ZNF503: variants seen among roughly 807,000 people sequenced by gnomAD.
ZNF503 encodes the protein zinc finger protein 503.
A neutral mutation model predicts 34.4 loss-of-function variants in ZNF503; 15 were observed. That is an observed-to-expected ratio of 0.44 (90% CI 0.29 to 0.67). The LOEUF (loss-of-function observed/expected upper bound fraction) is 0.67. ZNF503 is among the 30% of genes least tolerant of loss of function. The pLI, the probability that ZNF503 is intolerant of heterozygous loss-of-function variation, is 0.13. For missense variants in ZNF503, 1,007 were observed against 926.8 expected (o/e 1.09, Z -1.12); for synonymous variants, 580 against 456.8 (o/e 1.27, Z -3.44).
the ZNF503 span, among the ~76,000 whole-genome samples, chr10:75,354,908 C>G: frequency 6.6e-6 from 1 of 152,268 alleles, no homozygotes; most frequent in Admixed American, 6.5e-5. Context: ...TGCAGGGGCA[C>G]GATCTCGGCT....
chr10:75,288,686 G>A, the ZNF503 span: 2 of 152,602 alleles, frequency 1.3e-5, no homozygotes, highest in South Asian at 2.1e-4. Context: ...TCAGGGTAAG[G>A]GGGTGACTCA....
chr10:75,318,805 C>G, the ZNF503 span, among the ~76,000 whole-genome samples: 1 of 151,538 alleles, frequency 6.6e-6, no homozygotes, highest in Non-Finnish European at 1.5e-5. Flanking sequence ...AGAAATAACA[C>G]AGTAAGCAAA....
the ZNF503 span, among the ~76,000 whole-genome samples, chr10:75,379,007 G>A: frequency 5.9e-5 from 9 of 151,904 alleles, no homozygotes; most frequent in East Asian, 1.2e-3. Flanking sequence ...CCCCAGTCCC[G>A]ATCTTAATTA....
At chr10:75,293,473 C>T in the ZNF503 span, among the ~76,000 whole-genome samples, 1 of 152,174 alleles carries the variant, frequency 6.6e-6, no homozygotes, top group Non-Finnish European at 1.5e-5. Flanking sequence ...CACACCTGAG[C>T]TGGCCCTGCT....
chr10:75,369,534 T>C, the ZNF503 span, among the ~76,000 whole-genome samples: 2 of 152,246 alleles, frequency 1.3e-5, no homozygotes, highest in African/African-American at 4.8e-5. Flanking sequence ...ACCATGATTG[T>C]AAGTTTCTTG....
the ZNF503 span, among the ~76,000 whole-genome samples, chr10:75,370,714 G>C: frequency 1.4e-5 from 2 of 138,422 alleles, no homozygotes; most frequent in Non-Finnish European, 3.0e-5. Flanking sequence ...GGGAGGCAGA[G>C]GTTGCAGTGA....
In ZNF503 at chr10:75,398,577, G is replaced by A. The variant is rs1421169164; in HGVS notation, c.*172C>T. 1.0e-5 allele frequency: 5 copies of A among 484,592 alleles called. No homozygotes were observed. Among genetic ancestry groups the A allele is most frequent in the African/African-American group, 6.0e-5 (3 of 50,038 alleles). 30.0% of individuals were successfully genotyped at this position (484,592 alleles called of 1,614,324 possible). A position where few individuals can be genotyped will look rare whatever the true frequency, so the allele number is the denominator to read the frequency against. ...GTGGGGAGAAGGGGAGTGTCCCACC[G>A]GGTCTCGGTCGCTGCTGTCGGGTAG... On this transcript the variant is annotated 3_prime_UTR_variant, in exon 2 of 2. Transcript: ENST00000372524.
At chr10:75,355,312 A>T in the ZNF503 span, among the ~76,000 whole-genome samples, 4 of 151,476 alleles carry the variant, frequency 2.6e-5, no homozygotes, top group Non-Finnish European at 4.4e-5. Flanking sequence ...TAAAATAAAA[A>T]CCTCCTATTT....
chr10:75,298,698 CT>C, the ZNF503 span, among the ~76,000 whole-genome samples: 1 of 152,050 alleles, frequency 6.6e-6, no homozygotes, highest in African/African-American at 2.4e-5. Context: ...GTTTTCAGTT[CT>C]TTTGGGTATA....
the ZNF503 span, among the ~76,000 whole-genome samples, chr10:75,331,858 T>C: frequency 6.6e-6 from 1 of 152,184 alleles, no homozygotes; most frequent in Non-Finnish European, 1.5e-5. Context: ...CAGTGTTGGG[T>C]GCATGTATAT....
At chr10:75,347,733 AACAT>A in the ZNF503 span, among the ~76,000 whole-genome samples, 1 of 152,216 alleles carries the variant, frequency 6.6e-6, no homozygotes, top group Admixed American at 6.5e-5. Context: ...GTTGACACCT[AACAT>A]ACATACACAA....
chr10:75,289,169 G>T, the ZNF503 span, among the ~76,000 whole-genome samples: 2 of 152,170 alleles, frequency 1.3e-5, no homozygotes, highest in African/African-American at 4.8e-5. Context: ...TGGGAGCAAA[G>T]ACTGTTTATG....
chr10:75,295,115 G>A, the ZNF503 span, among the ~76,000 whole-genome samples: 42 of 151,934 alleles, frequency 2.8e-4, no homozygotes, highest in Admixed American at 2.8e-3. The surrounding 1 kb of genome is among the most constrained non-coding windows in gnomAD (Gnocchi z 4.0). Flanking sequence ...CGGCCGGGAG[G>A]GGACGCGCGG....
the ZNF503 span, among the ~76,000 whole-genome samples, chr10:75,344,829 C>T: frequency 1.3e-5 from 2 of 152,218 alleles, no homozygotes; most frequent in African/African-American, 4.8e-5. Flanking sequence ...CATCCCCAAG[C>T]TTCGCCAGCC....
chr10:75,315,732 T>C, the ZNF503 span, among the ~76,000 whole-genome samples: 1 of 152,182 alleles, frequency 6.6e-6, no homozygotes, highest in African/African-American at 2.4e-5. Context: ...CATAGTCACT[T>C]ATCTATCAAT....
chr10:75,349,112 T>C, the ZNF503 span, among the ~76,000 whole-genome samples: 1 of 152,238 alleles, frequency 6.6e-6, no homozygotes, highest in Non-Finnish European at 1.5e-5. Context: ...AAAGTGCAAT[T>C]ACCACACTCA....
the ZNF503 span, among the ~76,000 whole-genome samples, chr10:75,326,998 T>C: frequency 6.6e-6 from 1 of 152,218 alleles, no homozygotes; most frequent in African/African-American, 2.4e-5. Flanking sequence ...GTGGTATTTT[T>C]GATACATGTA....
chr10:75,304,490 C>T, the ZNF503 span, among the ~76,000 whole-genome samples: 1 of 152,122 alleles, frequency 6.6e-6, no homozygotes, highest in African/African-American at 2.4e-5. Context: ...TGGAGTCATG[C>T]CTTTAGTACA....
the ZNF503 span, among the ~76,000 whole-genome samples, chr10:75,280,656 G>A: frequency 6.6e-6 from 1 of 152,146 alleles, no homozygotes; most frequent in East Asian, 1.9e-4. Context: ...TGGGGCAACA[G>A]CCCCATGCTA....
Sources: gnomAD v4.1 joint callset for allele counts (sites outside exome capture counted in the v4.1 genomes callset) on GRCh38, gnomAD v4.1.1 for gene constraint, Gnocchi (gnomAD v3.1) non-coding constraint, MANE v1.5 for transcripts, NCBI Gene and HGNC (gene_info 2026-07-23, HGNC 2026-07-21) for gene names.